The following TOLLIP variants were observed in gnomAD, a reference collection of about 807,000 sequenced individuals.
TOLLIP encodes the protein toll-interacting protein.
Under a neutral mutation model 33.5 loss-of-function variants are expected in TOLLIP, and 16 were observed. The observed-to-expected ratio is 0.48, with a 90% CI of 0.32 to 0.72. The LOEUF (loss-of-function observed/expected upper bound fraction) is 0.72, where lower values mean the gene tolerates loss of function less well. Among genes scored for constraint, TOLLIP ranks in the 30% least tolerant of loss-of-function variants. The pLI is 0.03. For synonymous variants in TOLLIP, 176 were observed against 163.7 expected (o/e 1.07, Z -0.57); for missense variants, 325 against 396.6 (o/e 0.82, Z 1.53).
chr11:1,309,164 G>A (rs1220636185), intron 1 of TOLLIP, among the ~76,000 whole-genome samples: 4 of 152,154 alleles, frequency 2.6e-5, no homozygotes, highest in African/African-American at 7.2e-5. Flanking sequence ...TGGGGCACGG[G>A]GCCCGCCTCC....
At chr11:1,289,809 G>T (rs1019428098) in intron 3 of TOLLIP, among the ~76,000 whole-genome samples, 6 of 145,316 alleles carry the variant, frequency 4.1e-5, no homozygotes, top group Non-Finnish European at 9.0e-5. Context: ...GGCCAGACGA[G>T]TGCCCAGTGG....
rs1253531450 is a variant in TOLLIP at position 1,274,840 on chromosome 11, C to G, written c.*2199G>C. The G allele has an allele frequency of 6.6e-6, 1 of 151,804 alleles. No individual in the cohort carries two copies. The highest frequency in any genetic ancestry group is 2.4e-5 in the African/African-American group (1 of 41,322). 9.4% of individuals were successfully genotyped at this position (151,804 alleles called of 1,614,324 possible). On this transcript the variant is annotated 3_prime_UTR_variant, in exon 6 of 6. Coordinates refer to ENST00000317204, the MANE Select transcript of TOLLIP (RefSeq NM_019009.4). ...AGCCTGTCCTTCTGAGTGTGACGAC[C>G]TCATCCACACCTGACACAGGCGGGG...
chr11:1,278,225 G>A lies in TOLLIP; in HGVS notation c.611-972C>T, dbSNP rs553200168. On this transcript the variant is annotated intron_variant, in intron 5 of 5. Transcript: ENST00000317204. This position sits in a 1 kb window ranked among gnomAD's most constrained non-coding sequence, Gnocchi z 4.7. ...CAGTGAGGCACAGAGCACAGGCAGC[G>A]TGCGCGGGGCTCGGCGACCAGCGAG... Among the ~76,000 whole-genome samples, 2 of 151,598 alleles carry A rather than the reference G, an allele frequency of 1.3e-5. No homozygotes were observed. Among genetic ancestry groups the A allele is most frequent in the African/African-American group, 4.9e-5 (2 of 41,062 alleles).
At chr11:1,295,836 G>A (rs1232451142) in intron 1 of TOLLIP, 42 bp from the exon 2 acceptor site, 1 of 1,514,022 alleles carries the variant, frequency 6.6e-7, no homozygotes, top group South Asian at 1.2e-5. Context: ...GTCAGGGTGG[G>A]GGCACAAAGC....
chr11:1,297,251 G>A (rs984002494), intron 1 of TOLLIP, among the ~76,000 whole-genome samples: 1 of 152,186 alleles, frequency 6.6e-6, no homozygotes, highest in African/African-American at 2.4e-5. Context: ...ATGACACGGT[G>A]CCAGGCAGGG....
At chr11:1,280,663 T>C (rs1043371695) in intron 5 of TOLLIP, among the ~76,000 whole-genome samples, 2 of 151,956 alleles carry the variant, frequency 1.3e-5, no homozygotes, top group Non-Finnish European at 2.9e-5. Context: ...CGGGCCAGGC[T>C]GGGGAGGCGC....
chr11:1,289,991 G>T, intron 3 of TOLLIP: 1 of 542,962 alleles, frequency 1.8e-6, no homozygotes, highest in Non-Finnish European at 3.3e-6. Context: ...TGTATCCCTG[G>T]GTCATGCTTG....
At chr11:1,285,772 G>GAA (rs569493569) in intron 5 of TOLLIP, among the ~76,000 whole-genome samples, 9 of 83,466 alleles carry the variant, frequency 1.1e-4, no homozygotes, top group South Asian at 3.6e-4. Flanking sequence ...CCAACAATTA[G>GAA]AAAAAAAAAA....
intron 1 of TOLLIP, among the ~76,000 whole-genome samples, chr11:1,302,345 A>G (rs1360804268): frequency 6.6e-6 from 1 of 152,236 alleles, no homozygotes; most frequent in Non-Finnish European, 1.5e-5. Context: ...GCAGGGTTTC[A>G]GAGACTGAAG....
chr11:1,300,456 G>C (rs5743913), intron 1 of TOLLIP, among the ~76,000 whole-genome samples: 3 of 152,180 alleles, frequency 2.0e-5, no homozygotes, highest in Non-Finnish European at 1.5e-5. Context: ...TTTTGGCACA[G>C]AAATAAAGTC....
intron 5 of TOLLIP, among the ~76,000 whole-genome samples, chr11:1,280,072 T>C (rs1863443751): frequency 6.6e-6 from 1 of 152,164 alleles, no homozygotes; most frequent in Non-Finnish European, 1.5e-5. Context: ...AGTTAGCGGG[T>C]TAATAAACAC....
At chr11:1,279,151 T>C (rs1395650248) in intron 5 of TOLLIP, among the ~76,000 whole-genome samples, 2 of 152,090 alleles carry the variant, frequency 1.3e-5, no homozygotes, top group South Asian at 2.1e-4. Context: ...CGGCCTGGGG[T>C]GTCCCGAGAA....
In TOLLIP at chr11:1,276,376, G is replaced by T. The variant is rs1380051401; in HGVS notation, c.*663C>A. 2.3e-5 allele frequency: 5 copies of T among 216,652 alleles called. No homozygotes were observed. The highest frequency in any genetic ancestry group is 1.2e-4 in the African/African-American group (5 of 43,070). The allele number at this position is 216,652 out of a possible 1,614,324, so 13.4% of individuals were successfully genotyped here. ...GCAATCAGGCAGAGCCTGGCCAACC[G>T]TGCCAGGCCCCCTTCCTCACTCCAG... On this transcript the variant is annotated 3_prime_UTR_variant, in exon 6 of 6. Transcript: ENST00000317204.
rs772152476 is a variant in TOLLIP, at chr11:1,288,737, T to C, written c.406A>G (p.Ile136Val). Residue 136 changes from isoleucine to valine, a missense_variant, in exon 4 of 6, where the codon ATC becomes GTC. Transcript: ENST00000317204. ...TGCCTCAGGGACTCCGGGATGGTGA[T>C]GTGGGTCCAGGCAATGCGGTCGTCC... The part of the protein sequence containing the change: ...SMDDRIAWTH[I>V]TIPESLRQGK... 8.7e-6 allele frequency: 14 copies of C among 1,612,722 alleles called. No homozygotes were observed. The highest frequency in any genetic ancestry group is 1.1e-5 in the Non-Finnish European group (13 of 1,179,820).
At chr11:1,308,743 T>C (rs984303614) in intron 1 of TOLLIP, among the ~76,000 whole-genome samples, 8 of 152,378 alleles carry the variant, frequency 5.3e-5, no homozygotes, top group East Asian at 1.9e-4. Flanking sequence ...GGGGACACAA[T>C]TGGGCCCAAG....
At chr11:1,287,385 C>CCCCGCCGCAG (rs1384597042) in intron 4 of TOLLIP, among the ~76,000 whole-genome samples, 8 of 133,602 alleles carry the variant, frequency 6.0e-5, no homozygotes, top group Non-Finnish European at 6.5e-5. Context: ...AAAAGCAGCT[C>CCCCGCCGCAG]CCTGCTGCTG....
In TOLLIP at chr11:1,276,987, C is replaced by T; in HGVS notation, c.*52G>A. ...TTGGGACAGCATTCCTTGGGGAGCG[C>T]CGGGTCGGCGTGTCCAAAGAGCGGG... On this transcript the variant is annotated 3_prime_UTR_variant, in exon 6 of 6. Transcript: ENST00000317204. 1 of 1,597,038 alleles carries T rather than the reference C, an allele frequency of 6.3e-7. No individual in the cohort carries two copies. Among genetic ancestry groups the T allele is most frequent in the South Asian group, 1.1e-5 (1 of 89,674 alleles).
intron 5 of TOLLIP, among the ~76,000 whole-genome samples, chr11:1,281,494 C>A (rs1863495821): frequency 1.3e-5 from 2 of 152,328 alleles, no homozygotes; most frequent in East Asian, 1.9e-4. Flanking sequence ...CTCTCGGGGC[C>A]TGAGCCCACC....
At chr11:1,283,466 T>C (rs990330570) in intron 5 of TOLLIP, 1 of 389,104 alleles carries the variant, frequency 2.6e-6, no homozygotes, top group Non-Finnish European at 5.0e-6. Context: ...TGGAAACGCA[T>C]GCCTGGGCAT....
Sources: allele counts gnomAD v4.1 joint callset (sites outside exome capture counted in the v4.1 genomes callset), GRCh38; gene constraint gnomAD v4.1.1; non-coding constraint Gnocchi (gnomAD v3.1); transcripts MANE v1.5; gene names NCBI Gene and HGNC (gene_info 2026-07-23, HGNC 2026-07-21).